STAU2: variants seen among roughly 807,000 people sequenced by gnomAD.
STAU2 encodes the protein double-stranded RNA-binding protein Staufen homolog 2.
In STAU2, 20 loss-of-function variants were observed where a neutral mutation model predicts 65.9. The observed-to-expected ratio is 0.30, with a 90% CI of 0.21 to 0.44. The LOEUF is 0.44. Ranked by LOEUF, STAU2 falls within the 20% of genes least tolerant of loss-of-function variation. The pLI, the probability that STAU2 is intolerant of heterozygous loss-of-function variation, is 1.00. For synonymous variants in STAU2, 232 were observed against 233.9 expected (o/e 0.99, Z 0.07); for missense variants, 558 against 683.9 (o/e 0.82, Z 2.05).
intron 3 of STAU2, among the ~76,000 whole-genome samples, chr8:73,715,466 AGAAAG>A (rs1490195161): frequency 3.9e-4 from 56 of 144,276 alleles, no homozygotes; most frequent in African/African-American, 1.3e-3. Flanking sequence ...AAAAAAAAAA[AGAAAG>A]AAAGAAAGAA....
chr8:73,554,036 A>C (rs1035608021), intron 12 of STAU2, among the ~76,000 whole-genome samples: 1 of 152,078 alleles, frequency 6.6e-6, no homozygotes, highest in Admixed American at 6.6e-5. Context: ...ACTGGAGAAG[A>C]TCCTAACCAA....
At chr8:73,592,740 T>C (rs111297956) in intron 11 of STAU2, among the ~76,000 whole-genome samples, 1,775 of 152,152 alleles carry the variant, frequency 0.012, 35 homozygotes, top group African/African-American at 0.04. Context: ...CACACTGTAA[T>C]ACCAGCTACT....
chr8:73,739,762 A>G lies in STAU2; in HGVS notation c.-90T>C, dbSNP rs533959406. 2,754 of 1,515,858 alleles carry G rather than the reference A, an allele frequency of 1.8e-3. 2 individuals are homozygous for G. The highest frequency in any genetic ancestry group is 2.3e-3 in the Non-Finnish European group (2,574 of 1,140,992). 93.9% of individuals were successfully genotyped at this position (1,515,858 alleles called of 1,614,324 possible). ...TCAAAGTTCTTCAGATTACCTTCTG[A>G]GCCTTGGTTCAAATTACTTTGTGTA... is the stretch of plus-strand genomic sequence containing the variant. On this transcript the variant is annotated 5_prime_UTR_variant, in exon 2 of 15. Transcript: ENST00000524300.
intron 12 of STAU2, among the ~76,000 whole-genome samples, chr8:73,564,041 C>T (rs1808424342): frequency 6.6e-6 from 1 of 152,174 alleles, no homozygotes. Context: ...CCACACCACC[C>T]CCCTAAGTCA....
chr8:73,739,474 T>C (rs1372624880), intron 2 of STAU2, among the ~76,000 whole-genome samples: 1 of 152,150 alleles, frequency 6.6e-6, no homozygotes, highest in Non-Finnish European at 1.5e-5. Flanking sequence ...ATTTTAATAT[T>C]GAACTTTCCC....
chr8:73,693,731 C>T (rs961912573), intron 4 of STAU2, among the ~76,000 whole-genome samples: 2 of 152,214 alleles, frequency 1.3e-5, no homozygotes, highest in African/African-American at 4.8e-5. Context: ...ATGCTGGAGA[C>T]ACACTGTTTA....
chr8:73,606,449 C>T (rs1370452988), intron 9 of STAU2, among the ~76,000 whole-genome samples: 4 of 152,000 alleles, frequency 2.6e-5, no homozygotes, highest in African/African-American at 9.7e-5. Context: ...TTTAAATAAA[C>T]ACTTCATCAG....
chr8:73,725,915 C>T lies in STAU2; in HGVS notation c.-18+12369G>A, dbSNP rs557781412. 9.1e-4 allele frequency among the ~76,000 whole-genome samples: 139 copies of T among 152,212 alleles called. 5 individuals are homozygous for T. In the South Asian group the frequency reaches 0.027, roughly 29 times the overall value. ...GCCACTGCACTCCAGCCTGGGAAAC[C>T]TGTCTCAAGACCTGTCTCAACAACA... On this transcript the variant is annotated intron_variant, in intron 3 of 14. Transcript: ENST00000524300.
chr8:73,706,476 AT>A (rs1820511264), intron 4 of STAU2, among the ~76,000 whole-genome samples: 1 of 152,176 alleles, frequency 6.6e-6, no homozygotes, highest in Non-Finnish European at 1.5e-5. Flanking sequence ...ATTATCATTA[AT>A]TTCATTAAAA....
At position 73,489,037 on chromosome 8, in the gene STAU2, A is replaced by G. The variant is rs536342573; in HGVS notation, c.1530+62975T>C. Among the ~76,000 whole-genome samples, 673 of 152,052 alleles carry G rather than the reference A, an allele frequency of 4.4e-3. 1 individual carries two copies. Among genetic ancestry groups the G allele is most frequent in the Non-Finnish European group, 7.5e-3 (509 of 67,908 alleles). On this transcript the variant is annotated intron_variant, in intron 13 of 14. Coordinates refer to ENST00000524300, the MANE Select transcript of STAU2 (RefSeq NM_001164380.2). ...GGGATTTTCTAGAATAGTTTTAAAG[A>G]AAAGATGGGATGTACTGCTGTTAGC...
chr8:73,477,185 G>A lies in STAU2; in HGVS notation c.1531-54483C>T, dbSNP rs147891789. Among the ~76,000 whole-genome samples the A allele has an allele frequency of 2.1e-3, 318 of 152,200 alleles. 2 individuals carry two copies. Among genetic ancestry groups the A allele is most frequent in the African/African-American group, 7.4e-3 (308 of 41,538 alleles). ...CATCAGACGGGAGGGGAAGAGTTGG[G>A]GCTACAGAGATGAGCAGGTGGCAGA... On this transcript the variant is annotated intron_variant, in intron 13 of 14. Transcript: ENST00000524300.
At chr8:73,638,518 T>A (rs73686872) in intron 6 of STAU2, among the ~76,000 whole-genome samples, 2,035 of 141,858 alleles carry the variant, frequency 0.014, 38 homozygotes, top group African/African-American at 0.047. Flanking sequence ...TTTTTTTTTT[T>A]AAAAAGAGTC....
chr8:73,715,108 A>T (rs181861913), intron 3 of STAU2, among the ~76,000 whole-genome samples: 1 of 152,130 alleles, frequency 6.6e-6, no homozygotes, highest in East Asian at 1.9e-4. Context: ...AGTGAAGACA[A>T]ACTGTTAACA....
At chr8:73,584,421 T>C (rs1046644232) in intron 11 of STAU2, among the ~76,000 whole-genome samples, 2 of 152,244 alleles carry the variant, frequency 1.3e-5, no homozygotes, top group African/African-American at 4.8e-5. Flanking sequence ...ATGCGCTAAG[T>C]GTTTTGCATA....
chr8:73,679,420 G>A (rs973695236), intron 5 of STAU2, among the ~76,000 whole-genome samples: 1 of 152,194 alleles, frequency 6.6e-6, no homozygotes, highest in Non-Finnish European at 1.5e-5. Context: ...GCTTGCCGCT[G>A]CAAACTCCAT....
intron 6 of STAU2, among the ~76,000 whole-genome samples, chr8:73,628,652 T>C (rs1563468145): frequency 6.6e-6 from 1 of 152,100 alleles, no homozygotes; most frequent in African/African-American, 2.4e-5. Flanking sequence ...CTTCTATCTC[T>C]CCATTAAGTC....
chr8:73,615,567 G>GA, intron 8 of STAU2, 108 bp downstream of exon 8: 1 of 766,070 alleles, frequency 1.3e-6, no homozygotes, highest in Non-Finnish European at 2.2e-6. Flanking sequence ...TGAACATATA[G>GA]AAGCACACTA....
intron 6 of STAU2, among the ~76,000 whole-genome samples, chr8:73,619,028 T>G (rs1488041031): frequency 1.3e-5 from 2 of 152,176 alleles, no homozygotes; most frequent in Non-Finnish European, 2.9e-5. Flanking sequence ...GATATCCAAG[T>G]GTAGATGTCA....
chr8:73,746,089 G>T (rs1365875423), intron 1 of STAU2, among the ~76,000 whole-genome samples: 1 of 152,102 alleles, frequency 6.6e-6, no homozygotes, highest in East Asian at 1.9e-4. Flanking sequence ...AGCCATCACG[G>T]TAGGAGTTCG....
Sources: allele counts gnomAD v4.1 joint callset (sites outside exome capture counted in the v4.1 genomes callset), GRCh38; gene constraint gnomAD v4.1.1; transcripts MANE v1.5; gene names NCBI Gene and HGNC (gene_info 2026-07-23, HGNC 2026-07-21).